The following HECTD4 variants were observed in gnomAD, a reference collection of about 807,000 sequenced individuals.
HECTD4 encodes the protein probable E3 ubiquitin-protein ligase HECTD4.
A neutral mutation model predicts 471.5 loss-of-function variants in HECTD4; 114 were observed. The ratio of observed to expected loss-of-function variants is 0.24; its 90% CI spans 0.21 to 0.28. The LOEUF (loss-of-function observed/expected upper bound fraction) is 0.28. Among genes scored for constraint, HECTD4 ranks in the 10% least tolerant of loss-of-function variants. The probability of loss-of-function intolerance (pLI) is 1.00; values close to 1 mark genes in which losing one functional copy is unlikely to be tolerated. For synonymous variants in HECTD4, 2,012 were observed against 2,256.0 expected, an observed-to-expected ratio of 0.89 and a Z score of 3.07; for missense variants, 3,866 against 5,651.5, an observed-to-expected ratio of 0.68 and a Z score of 10.13.
At chr12:112,301,954 G>A (rs569265622) in intron 7 of HECTD4, 5 of 866,796 alleles carry the variant, frequency 5.8e-6, no homozygotes, top group Middle Eastern at 3.3e-4. Context: ...CCAAGATATT[G>A]CCTCCCCAGT....
At chr12:112,271,092 T>C (rs2135621894) in intron 11 of HECTD4, among the ~76,000 whole-genome samples, 1 of 152,366 alleles carries the variant, frequency 6.6e-6, no homozygotes, top group African/African-American at 2.4e-5. Context: ...AAAAAAGCTT[T>C]ATCAAGATAT....
At position 112,188,129 on chromosome 12, in the gene HECTD4, A is replaced by T. The variant is rs1284569768; in HGVS notation, c.9473-2636T>A. 6.6e-6 allele frequency among the ~76,000 whole-genome samples: 1 copy of T among 152,024 alleles called. No individual in the cohort carries two copies. Among genetic ancestry groups the T allele is most frequent in the Non-Finnish European group, 1.5e-5 (1 of 68,004 alleles). On this transcript the variant is annotated intron_variant, in intron 60 of 75. Transcript: ENST00000682272. The surrounding 1 kb of genome is among the most constrained non-coding windows in gnomAD (Gnocchi z 4.2). ...TGGTGAAATCCTGTTTCTACTAAAAATACAAAAAAATTAGCTGGGCATGGT... is the reference window on the plus strand; with the variant it reads ...TGGTGAAATCCTGTTTCTACTAAAATTACAAAAAAATTAGCTGGGCATGGT...
chr12:112,164,617 T>G (rs1445969329), intron 72 of HECTD4, among the ~76,000 whole-genome samples: 1 of 151,394 alleles, frequency 6.6e-6, no homozygotes, highest in African/African-American at 2.4e-5. Flanking sequence ...AGGCTAATTA[T>G]GCTTGCTTTT....
chr12:112,227,824 T>C (rs2033280848), intron 43 of HECTD4, among the ~76,000 whole-genome samples: 1 of 152,138 alleles, frequency 6.6e-6, no homozygotes, highest in African/African-American at 2.4e-5. Context: ...GAGCCTTATG[T>C]ATGTGTTTCA....
At chr12:112,174,067 T>C (rs2137011552) in intron 66 of HECTD4, among the ~76,000 whole-genome samples, 1 of 150,586 alleles carries the variant, frequency 6.6e-6, no homozygotes, top group South Asian at 2.1e-4. Context: ...AACCCCCGCC[T>C]CCCAGGTTCA....
rs756484791 is a variant in HECTD4 at position 112,193,653 on chromosome 12, G to A, written c.8771C>T (p.Ser2924Leu). The change falls in exon 57 of 76, where the codon TCG (serine) becomes TTG (leucine). Residue 2924 changes from serine (S) to leucine (L), a missense_variant. This residue lies in a region of HECTD4 where 266 missense variants were observed against 441.6 expected (regional missense o/e 0.60). Coordinates refer to ENST00000682272, the MANE Select transcript of HECTD4 (RefSeq NM_001388303.1). The surrounding 1 kb of genome is among the most constrained non-coding windows in gnomAD (Gnocchi z 5.2). ...PLPDGTISSS[S>L]ILLAQSLQHC... ...CTGTAAAGACTGCGCCAGGAGGATC[G>A]AGCTGGAGCTGATGGTGCCGTCTGG... is the stretch of plus-strand genomic sequence containing the variant. 5 of 1,612,280 alleles carry A rather than the reference G, an allele frequency of 3.1e-6. No individual in the cohort carries two copies. The highest frequency in any genetic ancestry group is 4.2e-6 in the Non-Finnish European group (5 of 1,179,200).
chr12:112,187,184 G>A (rs958836768), intron 60 of HECTD4, among the ~76,000 whole-genome samples: 4 of 151,768 alleles, frequency 2.6e-5, no homozygotes, highest in African/African-American at 9.7e-5. Flanking sequence ...CCTCCGTGTT[G>A]GTCAGGCTGG....
chr12:112,277,393 G>C (rs531234633), intron 9 of HECTD4, among the ~76,000 whole-genome samples: 4 of 152,288 alleles, frequency 2.6e-5, no homozygotes, highest in Admixed American at 2.6e-4. Flanking sequence ...CGCCATGATT[G>C]TAAGTTTCCT....
chr12:112,315,244 T>C (rs2035455146), intron 2 of HECTD4, among the ~76,000 whole-genome samples: 2 of 152,198 alleles, frequency 1.3e-5, no homozygotes, highest in South Asian at 4.1e-4. Context: ...GAACACTTCC[T>C]GAACTAAATG....
chr12:112,336,686 T>C (rs1302677727), intron 1 of HECTD4, among the ~76,000 whole-genome samples: 1 of 152,020 alleles, frequency 6.6e-6, no homozygotes, highest in Non-Finnish European at 1.5e-5. Context: ...TATTTATAGA[T>C]AAGATAACAT....
intron 1 of HECTD4, among the ~76,000 whole-genome samples, chr12:112,379,380 A>C (rs138188744): frequency 6.6e-6 from 1 of 152,348 alleles, no homozygotes; most frequent in African/African-American, 2.4e-5. Flanking sequence ...TGTAGGATAC[A>C]TTTAATCAAT....
At chr12:112,217,266 A>C (rs2032944823) in intron 45 of HECTD4, 71 bp from the exon 46 acceptor site, 2 of 1,331,990 alleles carry the variant, frequency 1.5e-6, no homozygotes, top group African/African-American at 2.9e-5. Context: ...CAAAGAAGAA[A>C]AAAATTTTAT....
rs1566081462 is a variant in HECTD4, at chr12:112,232,868, C to T, written c.5997+136G>A. 5 of 708,544 alleles carry T rather than the reference C, an allele frequency of 7.1e-6. No individual in the cohort carries two copies. The African/African-American group carries it at 7.1e-5, about 10-fold the overall frequency. The allele number at this position is 708,544 out of a possible 1,614,324, so 43.9% of individuals were successfully genotyped here. On this transcript the variant is annotated intron_variant, in intron 38 of 75. Coordinates refer to ENST00000682272, the MANE Select transcript of HECTD4 (RefSeq NM_001388303.1). The stretch of plus-strand genomic sequence containing the variant: ...CTTTAAAATGGCCTCAGTTAAGGCA[C>T]TGACTTCAATTTCTCACCTTGCCTC...
chr12:112,226,808 C>G lies in HECTD4; in HGVS notation c.6855-50G>C, dbSNP rs890053072. Reference sequence around the variant, plus strand: ...TTTCAAAGTCATCAGTGTTCATTGTCTAAAAAAGTCAACTGTGAAAAACAT... The same window carrying G: ...TTTCAAAGTCATCAGTGTTCATTGTGTAAAAAAGTCAACTGTGAAAAACAT... On this transcript the variant is annotated intron_variant, in intron 43 of 75. Transcript: ENST00000682272. The G allele has an allele frequency of 4.4e-6, 6 of 1,350,922 alleles. No individual in the cohort carries two copies. In the African/African-American group the frequency reaches 7.2e-5, roughly 16 times the overall value. The allele number at this position is 1,350,922 out of a possible 1,614,324, so 83.7% of individuals were successfully genotyped here. A position where few individuals can be genotyped will look rare whatever the true frequency, so the allele number is the denominator to read the frequency against.
In HECTD4 at chr12:112,302,181, T is replaced by C. The variant is rs2035179202; in HGVS notation, c.1335+3883A>G. Reference sequence around the variant, plus strand: ...GCAGGCAAGAAGACAACCAGCTCGATGGAATCCACATCGTGTGCAATCACC... The same window carrying C: ...GCAGGCAAGAAGACAACCAGCTCGACGGAATCCACATCGTGTGCAATCACC... On this transcript the variant is annotated intron_variant, in intron 7 of 75. Coordinates refer to ENST00000682272, the MANE Select transcript of HECTD4 (RefSeq NM_001388303.1). 4 of 1,161,096 alleles carry C rather than the reference T, an allele frequency of 3.4e-6. No individual in the cohort carries two copies. The Admixed American group carries it at 5.7e-5, about 17-fold the overall frequency. The allele number at this position is 1,161,096 out of a possible 1,614,324, so 71.9% of individuals were successfully genotyped here.
chr12:112,191,835 G>A (rs1334272427), intron 59 of HECTD4, among the ~76,000 whole-genome samples: 2 of 152,230 alleles, frequency 1.3e-5, no homozygotes, highest in Non-Finnish European at 2.9e-5. Context: ...ATTGTCTCAA[G>A]GACTGGGGTG....
intron 17 of HECTD4, among the ~76,000 whole-genome samples, chr12:112,263,736 C>T (rs1173690983): frequency 5.6e-5 from 8 of 143,260 alleles, no homozygotes; most frequent in East Asian, 9.1e-4. Context: ...CACACACACA[C>T]ACACACACAC....
Position 112,308,901 on chromosome 12 carries a change from G to C in HECTD4, c.1026-10C>G. The C allele has an allele frequency of 6.5e-7, 1 of 1,535,456 alleles. No homozygotes were observed. Among genetic ancestry groups the C allele is most frequent in the Non-Finnish European group, 8.7e-7 (1 of 1,146,684 alleles). ...GCAGTACACAAAACCTCTGTGGAATGAAATGGAGCACAGGCTGAATCACCT... is the reference window on the plus strand; with the variant it reads ...GCAGTACACAAAACCTCTGTGGAATCAAATGGAGCACAGGCTGAATCACCT... On this transcript the variant is annotated splice_polypyrimidine_tract_variant and intron_variant, in intron 5 of 75. Coordinates refer to ENST00000682272, the MANE Select transcript of HECTD4 (RefSeq NM_001388303.1).
At chr12:112,206,564 T>A (rs888076185) in intron 52 of HECTD4, among the ~76,000 whole-genome samples, 2 of 130,738 alleles carry the variant, frequency 1.5e-5, no homozygotes, top group African/African-American at 5.9e-5. Context: ...TGAGACGGAG[T>A]CTGGCTCTGT....
Sources: allele counts gnomAD v4.1 joint callset (sites outside exome capture counted in the v4.1 genomes callset), GRCh38; gene constraint gnomAD v4.1.1; regional missense constraint gnomAD v4.1.1; non-coding constraint Gnocchi (gnomAD v3.1); transcripts MANE v1.5; gene names NCBI Gene and HGNC (gene_info 2026-07-23, HGNC 2026-07-21).